CDH12: variants seen among roughly 807,000 people sequenced by gnomAD.
The protein encoded by CDH12 is cadherin-12.
Under a neutral mutation model 74.1 loss-of-function variants are expected in CDH12, and 41 were observed. The ratio of observed to expected loss-of-function variants is 0.55; its 90% CI spans 0.43 to 0.72. The LOEUF (loss-of-function observed/expected upper bound fraction) is 0.72, where lower values mean the gene tolerates loss of function less well. Among genes scored for constraint, CDH12 ranks in the 30% least tolerant of loss-of-function variants. The probability of loss-of-function intolerance (pLI) is 0.00; values close to 1 mark genes in which losing one functional copy is unlikely to be tolerated. For synonymous variants in CDH12, 399 were observed against 355.0 expected, an observed-to-expected ratio of 1.12 and a Z score of -1.39; for missense variants, 945 against 977.2, an observed-to-expected ratio of 0.97 and a Z score of 0.44.
intron 5 of CDH12, among the ~76,000 whole-genome samples, chr5:21,988,518 A>T (rs1402126926): frequency 6.7e-6 from 1 of 149,686 alleles, no homozygotes; most frequent in Admixed American, 6.6e-5. Context: ...AAAAAAAAAA[A>T]AAATGCCTAC....
intron 4 of CDH12, among the ~76,000 whole-genome samples, chr5:22,147,503 TA>T (rs898789537): frequency 5.3e-5 from 8 of 152,054 alleles, no homozygotes; most frequent in Admixed American, 5.2e-4. Flanking sequence ...GGTAATTAAT[TA>T]ATCCCTAATC....
intron 1 of CDH12, among the ~76,000 whole-genome samples, chr5:22,596,358 T>C (rs1189998695): frequency 6.9e-6 from 1 of 145,138 alleles, no homozygotes; most frequent in Non-Finnish European, 1.5e-5. Flanking sequence ...GGAGAATCTC[T>C]TGAACCCAGG....
intron 3 of CDH12, among the ~76,000 whole-genome samples, chr5:22,355,213 C>T (rs1214362327): frequency 2.0e-5 from 3 of 151,952 alleles, no homozygotes; most frequent in African/African-American, 7.3e-5. Context: ...GTAGAAATAA[C>T]GTGGGTGATA....
chr5:22,742,898 C>T (rs1015217236), intron 1 of CDH12, among the ~76,000 whole-genome samples: 18 of 151,914 alleles, frequency 1.2e-4, no homozygotes, highest in Non-Finnish European at 1.8e-4. Flanking sequence ...CATGTATTTC[C>T]GTGAAAGTGT....
intron 2 of CDH12, among the ~76,000 whole-genome samples, chr5:22,441,528 G>C (rs892791792): frequency 1.3e-5 from 2 of 152,032 alleles, no homozygotes; most frequent in Admixed American, 6.6e-5. Flanking sequence ...CCATGGGACA[G>C]TTTCACTAAC....
At chr5:22,511,932 A>ATT (rs1491349120) in intron 1 of CDH12, among the ~76,000 whole-genome samples, 1 of 140,956 alleles carries the variant, frequency 7.1e-6, no homozygotes, top group Non-Finnish European at 1.5e-5. Flanking sequence ...TGTAACTATG[A>ATT]TTGTGTGTGT....
At chr5:21,783,109 A>G (rs1251676462) in intron 11 of CDH12, among the ~76,000 whole-genome samples, 2 of 152,124 alleles carry the variant, frequency 1.3e-5, no homozygotes. Flanking sequence ...TAAAGCATAG[A>G]ACAGGATGAG....
intron 2 of CDH12, among the ~76,000 whole-genome samples, chr5:22,477,383 T>C (rs1746209809): frequency 6.6e-6 from 1 of 152,160 alleles, no homozygotes; most frequent in African/African-American, 2.4e-5. Context: ...TAATGGCATC[T>C]AGCTCCATCC....
chr5:22,527,042 C>A (rs188079946), intron 1 of CDH12, among the ~76,000 whole-genome samples: 17 of 152,182 alleles, frequency 1.1e-4, no homozygotes, highest in African/African-American at 4.1e-4. Flanking sequence ...GACTGGTGGG[C>A]TACAGTTATG....
chr5:22,039,618 A>G (rs754911381), intron 5 of CDH12, among the ~76,000 whole-genome samples: 1 of 152,138 alleles, frequency 6.6e-6, no homozygotes, highest in Non-Finnish European at 1.5e-5. Flanking sequence ...GAGGACCCCA[A>G]AAGTAATTGC....
At chr5:22,698,677 A>G (rs1248611965) in intron 1 of CDH12, among the ~76,000 whole-genome samples, 1 of 6,350 alleles carries the variant, frequency 1.6e-4, no homozygotes, top group Non-Finnish European at 2.9e-4. Context: ...CAATCCCCAG[A>G]TATATATATA....
chr5:22,584,037 T>G (rs1384565588), intron 1 of CDH12, among the ~76,000 whole-genome samples: 1 of 151,942 alleles, frequency 6.6e-6, no homozygotes, highest in Non-Finnish European at 1.5e-5. Flanking sequence ...TGCTTTTTTT[T>G]GCTTTTGAAT....
chr5:22,330,800 C>T (rs1221204858), intron 3 of CDH12, among the ~76,000 whole-genome samples: 2 of 151,180 alleles, frequency 1.3e-5, no homozygotes, highest in Non-Finnish European at 2.9e-5. Flanking sequence ...TTGTCTTCCA[C>T]TCTAGGTATC....
At chr5:21,791,825 T>C (rs1461345458) in intron 10 of CDH12, among the ~76,000 whole-genome samples, 1 of 151,896 alleles carries the variant, frequency 6.6e-6, no homozygotes, top group African/African-American at 2.4e-5. Context: ...TTTTATTCTA[T>C]TTATTAGGTA....
intron 2 of CDH12, among the ~76,000 whole-genome samples, chr5:22,410,101 T>C (rs771197666): frequency 6.6e-6 from 1 of 152,058 alleles, no homozygotes; most frequent in African/African-American, 2.4e-5. Flanking sequence ...TGTTACTTTG[T>C]TGGGGCTCAG....
At chr5:21,878,805 A>G (rs200515911) in intron 6 of CDH12, among the ~76,000 whole-genome samples, 1 of 23,462 alleles carries the variant, frequency 4.3e-5, no homozygotes, top group Non-Finnish European at 5.9e-4. Flanking sequence ...AAGAAAGAAG[A>G]AAGAAAGAAA....
Position 22,182,731 on chromosome 5 carries a change from G to T in CDH12, c.-187+29767C>A, listed in dbSNP as rs1749713329. Among the ~76,000 whole-genome samples the T allele has an allele frequency of 3.9e-5, 6 of 152,066 alleles. No homozygotes were observed. The South Asian group carries it at 1.2e-3, about 31-fold the overall frequency. ...GGGTTATAGATGAGAAAGTGCAACTGAGAGATACTTAGATTAATGTAGTGA... is the reference window on the plus strand; with the variant it reads ...GGGTTATAGATGAGAAAGTGCAACTTAGAGATACTTAGATTAATGTAGTGA... On this transcript the variant is annotated intron_variant, in intron 4 of 14. Coordinates refer to ENST00000382254, the MANE Select transcript of CDH12 (RefSeq NM_004061.5).
intron 3 of CDH12, among the ~76,000 whole-genome samples, chr5:22,310,889 A>G (rs1181027799): frequency 6.6e-6 from 1 of 152,208 alleles, no homozygotes; most frequent in African/African-American, 2.4e-5. Context: ...GAAGTCTCAG[A>G]TGGTCCTTCT....
chr5:22,548,132 T>C (rs2126729107), intron 1 of CDH12, among the ~76,000 whole-genome samples: 1 of 152,298 alleles, frequency 6.6e-6, no homozygotes, highest in South Asian at 2.1e-4. Context: ...GTTATTTGCC[T>C]TTTAACCTGT....
Sources: gnomAD v4.1 joint callset for allele counts (sites outside exome capture counted in the v4.1 genomes callset) on GRCh38, gnomAD v4.1.1 for gene constraint, MANE v1.5 for transcripts, NCBI Gene and HGNC (gene_info 2026-07-23, HGNC 2026-07-21) for gene names.